Variants in SLC25A41 observed in about 807,000 individuals in gnomAD.
The protein encoded by SLC25A41 is mitochondrial carrier protein SCaMC-3L.
In SLC25A41, 35 loss-of-function variants were observed where a neutral mutation model predicts 34.7. That is an observed-to-expected ratio of 1.01 (90% CI 0.77 to 1.34). The LOEUF (loss-of-function observed/expected upper bound fraction) is 1.34, where lower values mean the gene tolerates loss of function less well. SLC25A41 is among the 40% of genes most tolerant of loss of function. The pLI is 0.00. For missense variants in SLC25A41, 492 were observed against 489.8 expected (o/e 1.00, Z -0.04); for synonymous variants, 190 against 209.9 (o/e 0.91, Z 0.82).
upstream of SLC25A41, among the ~76,000 whole-genome samples, chr19:6,435,136 G>T (rs1017501793): frequency 1.5e-4 from 23 of 149,202 alleles, no homozygotes; most frequent in African/African-American, 5.7e-4. Context: ...AGGTGGGAGG[G>T]TTGCTTGAGC....
rs34519561 is a variant in SLC25A41, at chr19:6,432,473, A to ATTT, written c.208-272_208-270dup. Among the ~76,000 whole-genome samples the ATTT allele has an allele frequency of 5.4e-4, 44 of 80,992 alleles. 1 individual carries two copies. Among genetic ancestry groups the ATTT allele is most frequent in the African/African-American group, 2.1e-3 (39 of 18,404 alleles). The allele number at this position is 80,992 out of a possible 152,430, so 53.1% of individuals were successfully genotyped here. The stretch of plus-strand genomic sequence containing the variant: ...TTATAGGCATGCACCACAACACCTA[A>ATTT]TTTTTTTTTTTTTTTTTTTTTTTTT... On this transcript the variant is annotated intron_variant, in intron 1 of 6. Transcript: ENST00000321510.
chr19:6,426,962 A>T, intron 6 of SLC25A41, 141 bp downstream of exon 6: 1 of 904,636 alleles, frequency 1.1e-6, no homozygotes, highest in Non-Finnish European at 1.6e-6. Context: ...TATTTTTGAG[A>T]CGCAGTCTCA....
chr19:6,433,601 A>AGGGGGGGGTGGGGGGGGG lies in SLC25A41; in HGVS notation c.92_93insCCCCCCCCCACCCCCCCC (p.Pro33_Gln34insProProProProProPro). Reference sequence around the variant, plus strand: ...GGGGTGGAGGCGGAGGTTGGGGGGGAGGCGGGGCTTTGATGAGTAAGGTCT... The same window carrying AGGGGGGGGTGGGGGGGGG: ...GGGGTGGAGGCGGAGGTTGGGGGGGAGGGGGGGGTGGGGGGGGGGGCGGGGCTTTGATGAGTAAGGTCT... On this transcript the variant is annotated inframe_insertion, in exon 1 of 7. Coordinates refer to ENST00000321510, the MANE Select transcript of SLC25A41 (RefSeq NM_173637.4). 7.7e-7 allele frequency: 1 copy of AGGGGGGGGTGGGGGGGGG among 1,296,814 alleles called. No individual in the cohort carries two copies. Among genetic ancestry groups the AGGGGGGGGTGGGGGGGGG allele is most frequent in the Non-Finnish European group, 1.1e-6 (1 of 920,532 alleles). The allele number at this position is 1,296,814 out of a possible 1,614,324, so 80.3% of individuals were successfully genotyped here.
intron 4 of SLC25A41, among the ~76,000 whole-genome samples, chr19:6,428,602 GA>G (rs1366283315): frequency 6.9e-6 from 1 of 145,270 alleles, no homozygotes; most frequent in Non-Finnish European, 1.5e-5. Flanking sequence ...TATATAATTA[GA>G]TACATTAAAT....
intron 4 of SLC25A41, among the ~76,000 whole-genome samples, chr19:6,429,130 TTA>T (rs372857677): frequency 0.13 from 1,376 of 10,540 alleles, 302 homozygotes; most frequent in Middle Eastern, 0.27. Flanking sequence ...TATATATATG[TTA>T]TATATATATA....
intron 4 of SLC25A41, among the ~76,000 whole-genome samples, chr19:6,429,438 GGA>G: frequency 7.7e-5 from 2 of 25,854 alleles, no homozygotes; most frequent in African/African-American, 1.5e-4. Flanking sequence ...AAAGGAGGAG[GGA>G]AGGAGGAGGA....
At chr19:6,428,511 GTAT>G (rs974247748) in intron 4 of SLC25A41, among the ~76,000 whole-genome samples, 9 of 146,650 alleles carry the variant, frequency 6.1e-5, no homozygotes, top group African/African-American at 2.0e-4. Context: ...TATTATATAT[GTAT>G]TATTATACAT....
chr19:6,433,431 C>T, intron 1 of SLC25A41, 56 bp downstream of exon 1: 1 of 1,557,464 alleles, frequency 6.4e-7, no homozygotes, highest in South Asian at 1.1e-5. Context: ...GGTAGCCTGG[C>T]CTCTCCCTGT....
At position 6,427,531 on chromosome 19, in the gene SLC25A41, T is replaced by C; in HGVS notation, c.625-30A>G. 1 of 1,471,214 alleles carries C rather than the reference T, an allele frequency of 6.8e-7. No homozygotes were observed. The highest frequency in any genetic ancestry group is 9.1e-7 in the Non-Finnish European group (1 of 1,102,774). 91.1% of individuals were successfully genotyped at this position (1,471,214 alleles called of 1,614,324 possible). ...GGATGGCGGGGAACAAGGCAGCTCA[T>C]TTGATTGAATCCTGTCAATGACCCT... is the stretch of plus-strand genomic sequence containing the variant. On this transcript the variant is annotated intron_variant, in intron 4 of 6. Transcript: ENST00000321510. This position sits in a 1 kb window ranked among gnomAD's most constrained non-coding sequence, Gnocchi z 4.9.
At chr19:6,429,039 A>ATAAC in intron 4 of SLC25A41, among the ~76,000 whole-genome samples, 1 of 26,984 alleles carries the variant, frequency 3.7e-5, no homozygotes, top group Non-Finnish European at 5.6e-5. Flanking sequence ...ATATATATAT[A>ATAAC]ATATATATAT....
chr19:6,429,028 TATATATATATA>T (rs1249913043), intron 4 of SLC25A41, among the ~76,000 whole-genome samples: 5 of 32,450 alleles, frequency 1.5e-4, no homozygotes, highest in African/African-American at 6.9e-4. Flanking sequence ...AAAATTTATA[TATATATATATA>T]ATATATATAT....
At chr19:6,426,650 C>A (rs990129470) in intron 6 of SLC25A41, 89 bp from the exon 7 acceptor site, 25 of 1,473,680 alleles carry the variant, frequency 1.7e-5, no homozygotes, top group Non-Finnish European at 1.7e-5. Flanking sequence ...GCTGAAGCCA[C>A]GGGTAGGGGC....
upstream of SLC25A41, chr19:6,436,012 G>A (rs1251069700): frequency 6.1e-6 from 1 of 165,198 alleles, no homozygotes; most frequent in Non-Finnish European, 1.3e-5. Context: ...GGGACAGAGT[G>A]AAACCCTGTT....
In SLC25A41 at chr19:6,426,964, G is replaced by A. The variant is rs1304331838; in HGVS notation, c.940+139C>T. The A allele has an allele frequency of 7.7e-6, 7 of 908,916 alleles. No individual in the cohort carries two copies. The East Asian group carries it at 8.0e-5, about 10-fold the overall frequency. The allele number at this position is 908,916 out of a possible 1,614,324, so 56.3% of individuals were successfully genotyped here. A position where few individuals can be genotyped will look rare whatever the true frequency, so the allele number is the denominator to read the frequency against. Reference sequence around the variant, plus strand: ...ATTTTTATATATATATTTTTGAGACGCAGTCTCAAAAGTTATCAAAAGTGG... The same window carrying A: ...ATTTTTATATATATATTTTTGAGACACAGTCTCAAAAGTTATCAAAAGTGG... On this transcript the variant is annotated intron_variant, in intron 6 of 6. Coordinates refer to ENST00000321510, the MANE Select transcript of SLC25A41 (RefSeq NM_173637.4).
upstream of SLC25A41, among the ~76,000 whole-genome samples, chr19:6,434,101 G>A (rs1310871411): frequency 1.3e-5 from 2 of 152,130 alleles, no homozygotes; most frequent in African/African-American, 2.4e-5. Flanking sequence ...CCGCCACCAC[G>A]CCCAGCTAAT....
At chr19:6,430,556 C>T (rs1294392836) in intron 2 of SLC25A41, 13 of 376,670 alleles carry the variant, frequency 3.5e-5, no homozygotes, top group African/African-American at 6.8e-5. Flanking sequence ...CGGGGGATCT[C>T]GGCTCACTGC....
Position 6,427,106 on chromosome 19 carries a change from G to C in SLC25A41, c.937C>G (p.Gln313Glu). 6.3e-7 allele frequency: 1 copy of C among 1,599,912 alleles called. No individual in the cohort carries two copies. Among genetic ancestry groups the C allele is most frequent in the Admixed American group, 1.7e-5 (1 of 57,774 alleles). ...LTLVRTRMQAQDTVEGSNPTM... is the reference protein window; with the variant it reads ...LTLVRTRMQAEDTVEGSNPTM... The stretch of plus-strand genomic sequence containing the variant: ...TGGCCGCTGGGGACAGGCTGACCTT[G>C]GGCCTGCATCCTGGTGCGCACCAGA... Residue 313 changes from glutamine (Q) to glutamate (E), a missense_variant, in exon 6 of 7, where the codon CAA becomes GAA. Physicochemically the swap from Gln to Glu is conservative, Grantham distance 29. Transcript: ENST00000321510. The surrounding 1 kb of genome is among the most constrained non-coding windows in gnomAD (Gnocchi z 4.9).
rs758866899 is a variant in SLC25A41 at position 6,430,208 on chromosome 19, C to A, written c.364-47G>T. On this transcript the variant is annotated intron_variant, in intron 2 of 6. Coordinates refer to ENST00000321510, the MANE Select transcript of SLC25A41 (RefSeq NM_173637.4). ...GAGGAGCCCCTGCTCGCCTCTGTCTCCGTCCCCATCCCTGCCCCAAGCGCA... is the reference window on the plus strand; with the variant it reads ...GAGGAGCCCCTGCTCGCCTCTGTCTACGTCCCCATCCCTGCCCCAAGCGCA... 4 of 1,549,528 alleles carry A rather than the reference C, an allele frequency of 2.6e-6. No individual in the cohort carries two copies. In the East Asian group the frequency reaches 9.2e-5, roughly 36 times the overall value.
chr19:6,429,783 G>T lies in SLC25A41; in HGVS notation c.565C>A (p.Arg189Ser). The change falls in exon 4 of 7, where the codon CGT (arginine) becomes AGT (serine). Residue 189 changes from arginine (R) to serine (S), a missense_variant. By Grantham distance (110) the Arg-to-Ser change is moderately radical. Transcript: ENST00000321510. Reference sequence around the variant, plus strand: ...ACAGCCAGGGAGCCAGCAAGGAGACGCTCCTGGAAGGGCGGGGACCCTTGT... The same window carrying T: ...ACAGCCAGGGAGCCAGCAAGGAGACTCTCCTGGAAGGGCGGGGACCCTTGT... ...GIQGSPPFQE[R>S]LLAGSLAVAI... 1 of 1,610,548 alleles carries T rather than the reference G, an allele frequency of 6.2e-7. No homozygotes were observed. The highest frequency in any genetic ancestry group is 1.3e-5 in the African/African-American group (1 of 74,742).
Sources: allele counts gnomAD v4.1 joint callset (sites outside exome capture counted in the v4.1 genomes callset), GRCh38; gene constraint gnomAD v4.1.1; non-coding constraint Gnocchi (gnomAD v3.1); transcripts MANE v1.5; gene names NCBI Gene and HGNC (gene_info 2026-07-23, HGNC 2026-07-21).